CTNNA3: variants seen among roughly 807,000 people sequenced by gnomAD.
CTNNA3 encodes catenin alpha-3.
CTNNA3 carries 76 observed loss-of-function variants against 95.7 expected under a neutral mutation model. The observed-to-expected ratio is 0.79, with a 90% CI of 0.66 to 0.96. The LOEUF (loss-of-function observed/expected upper bound fraction) is 0.96. Among genes scored for constraint, CTNNA3 ranks in the 40% least tolerant of loss-of-function variants. CTNNA3 has a pLI of 0.00. For missense variants in CTNNA3, 1,191 were observed against 1,089.8 expected (o/e 1.09, Z -1.31); for synonymous variants, 431 against 374.4 (o/e 1.15, Z -1.74).
At chr10:66,103,345 T>C (rs750379864) in intron 13 of CTNNA3, 96 bp from the exon 14 acceptor site, 1 of 919,992 alleles carries the variant, frequency 1.1e-6, no homozygotes, top group Non-Finnish European at 1.8e-6. Flanking sequence ...AATCATAAAG[T>C]TACCATATGA....
At chr10:66,393,232 G>A (rs1351988479) in intron 11 of CTNNA3, among the ~76,000 whole-genome samples, 1 of 152,078 alleles carries the variant, frequency 6.6e-6, no homozygotes, top group Non-Finnish European at 1.5e-5. Context: ...AAAATGTATA[G>A]GTAGAGCGTA....
intron 13 of CTNNA3, among the ~76,000 whole-genome samples, chr10:66,114,440 G>GTGTATATA (rs1009373353): frequency 6.8e-6 from 1 of 147,986 alleles, no homozygotes; most frequent in African/African-American, 2.6e-5. Context: ...ATGTATATAT[G>GTGTATATA]TGTATATATG....
In CTNNA3 at chr10:67,040,053, ATC is replaced by A. The variant is rs758455473; in HGVS notation, c.1047+140262_1047+140263del. Among the ~76,000 whole-genome samples the A allele has an allele frequency of 3.4e-4, 52 of 152,046 alleles. No homozygotes were observed. In the Middle Eastern group the frequency reaches 0.01, roughly 30 times the overall value. ...GGTTAGTGACACTCCACACCCATTCATCTCTCTCTTTTTTTTGGTAGTGTAAT... is the reference window on the plus strand; with the variant it reads ...GGTTAGTGACACTCCACACCCATTCATCTCTCTTTTTTTTGGTAGTGTAAT... On this transcript the variant is annotated intron_variant, in intron 7 of 17. Coordinates refer to ENST00000433211, the MANE Select transcript of CTNNA3 (RefSeq NM_013266.4).
At chr10:67,024,496 T>C (rs1229392000) in intron 7 of CTNNA3, among the ~76,000 whole-genome samples, 1 of 152,172 alleles carries the variant, frequency 6.6e-6, no homozygotes, top group African/African-American at 2.4e-5. Flanking sequence ...GAAGTAAACA[T>C]CTTTGGTGGG....
chr10:67,382,948 C>T (rs1333531375), intron 5 of CTNNA3, among the ~76,000 whole-genome samples: 1 of 152,074 alleles, frequency 6.6e-6, no homozygotes, highest in Non-Finnish European at 1.5e-5. Flanking sequence ...TGATCAGTCC[C>T]CAAGACCCAA....
chr10:67,204,394 C>T (rs1348171022), intron 6 of CTNNA3, among the ~76,000 whole-genome samples: 3 of 152,098 alleles, frequency 2.0e-5, no homozygotes, highest in African/African-American at 7.2e-5. Flanking sequence ...CTTCCTCCTG[C>T]TCCAGCCATG....
At chr10:66,266,147 GGAAGGAAGGAAA>G (rs2091149712) in intron 13 of CTNNA3, among the ~76,000 whole-genome samples, 1 of 150,900 alleles carries the variant, frequency 6.6e-6, no homozygotes, top group Admixed American at 6.6e-5. Flanking sequence ...AAGGAAAGAA[GGAAGGAAGGAAA>G]GAAGGAAGGA....
intron 13 of CTNNA3, among the ~76,000 whole-genome samples, chr10:66,196,382 C>T (rs1046126694): frequency 6.6e-6 from 1 of 152,112 alleles, no homozygotes; most frequent in Non-Finnish European, 1.5e-5. Flanking sequence ...AAAAGTGAGG[C>T]AAAGTCAAGG....
chr10:67,409,403 C>T (rs1404426903), intron 5 of CTNNA3, among the ~76,000 whole-genome samples: 1 of 152,058 alleles, frequency 6.6e-6, no homozygotes, highest in Non-Finnish European at 1.5e-5. Context: ...TACTATGCAG[C>T]CATAAAAAGG....
At chr10:67,387,062 G>T (rs527273884) in intron 5 of CTNNA3, among the ~76,000 whole-genome samples, 2 of 152,242 alleles carry the variant, frequency 1.3e-5, no homozygotes, top group East Asian at 1.9e-4. Flanking sequence ...GACCCAAGAC[G>T]GCCGAATAGG....
chr10:66,979,484 C>T (rs374405992), intron 7 of CTNNA3, among the ~76,000 whole-genome samples: 3 of 152,100 alleles, frequency 2.0e-5, no homozygotes, highest in African/African-American at 7.2e-5. Context: ...TTCTGTATCA[C>T]AGAAGCTGGA....
rs775674319 is a variant in CTNNA3, at chr10:66,927,266, G to A, written c.1048-151742C>T. 2.6e-5 allele frequency: 42 copies of A among 1,613,824 alleles called. No homozygotes were observed. Among genetic ancestry groups the A allele is most frequent in the Admixed American group, 5.0e-5 (3 of 59,994 alleles). On this transcript the variant is annotated intron_variant, in intron 7 of 17. Transcript: ENST00000433211. This position sits in a 1 kb window ranked among gnomAD's most constrained non-coding sequence, Gnocchi z 4.7. ...CGCAGACTCAAAGAGCTGATTCTTA[G>A]TTCCAATAGAATCTCCTATTTTCTT...
chr10:66,818,045 A>T (rs1348409942), intron 7 of CTNNA3, among the ~76,000 whole-genome samples: 1 of 151,790 alleles, frequency 6.6e-6, no homozygotes, highest in Non-Finnish European at 1.5e-5. Flanking sequence ...AAACCACATG[A>T]TCATCATAAT....
At chr10:66,613,287 T>C (rs186650516) in intron 10 of CTNNA3, among the ~76,000 whole-genome samples, 15 of 152,224 alleles carry the variant, frequency 9.9e-5, no homozygotes, top group Non-Finnish European at 7.4e-5. Context: ...CCTCCGATTT[T>C]CCTTCTAATA....
At chr10:66,618,389 C>T (rs1844607068) in intron 10 of CTNNA3, among the ~76,000 whole-genome samples, 1 of 151,912 alleles carries the variant, frequency 6.6e-6, no homozygotes. Context: ...CAGAACAGAG[C>T]CCTCAGAAAT....
At chr10:66,579,443 A>G (rs987854606) in intron 10 of CTNNA3, among the ~76,000 whole-genome samples, 4 of 151,802 alleles carry the variant, frequency 2.6e-5, no homozygotes, top group Non-Finnish European at 5.9e-5. Flanking sequence ...CCAATTTGAA[A>G]GAGACCATTA....
At chr10:65,935,304 G>A (rs1450922798) in intron 17 of CTNNA3, among the ~76,000 whole-genome samples, 1 of 152,172 alleles carries the variant, frequency 6.6e-6, no homozygotes, top group African/African-American at 2.4e-5. Context: ...GATTTTCAGA[G>A]ATGGATCTGC....
At chr10:66,225,105 C>T (rs934903976) in intron 13 of CTNNA3, among the ~76,000 whole-genome samples, 6 of 151,800 alleles carry the variant, frequency 4.0e-5, no homozygotes, top group Non-Finnish European at 8.8e-5. Flanking sequence ...ACTATAGTCA[C>T]CCCACAATGC....
chr10:67,115,202 A>C lies in CTNNA3; in HGVS notation c.1047+65115T>G, dbSNP rs368792729. ...GCCTCATGGAAGCAATTAATCTAAC[A>C]ACAGTGCAAACAAGACGACTATAAT... On this transcript the variant is annotated intron_variant, in intron 7 of 17. Coordinates refer to ENST00000433211, the MANE Select transcript of CTNNA3 (RefSeq NM_013266.4). Among the ~76,000 whole-genome samples, 11 of 152,236 alleles carry C rather than the reference A, an allele frequency of 7.2e-5. No individual in the cohort carries two copies. In the East Asian group the frequency reaches 1.9e-3, roughly 27 times the overall value.
Sources: gnomAD v4.1 joint callset for allele counts (sites outside exome capture counted in the v4.1 genomes callset) on GRCh38, gnomAD v4.1.1 for gene constraint, Gnocchi (gnomAD v3.1) non-coding constraint, MANE v1.5 for transcripts, NCBI Gene and HGNC (gene_info 2026-07-23, HGNC 2026-07-21) for gene names.